The following EHMT1 variants were observed in gnomAD, a reference collection of about 807,000 sequenced individuals.
EHMT1 encodes euchromatic histone lysine methyltransferase 1.
A neutral mutation model predicts 147.2 loss-of-function variants in EHMT1; 15 were observed. The observed-to-expected ratio is 0.10, with a 90% confidence interval of 0.07 to 0.16. The LOEUF is 0.16. Among genes scored for constraint, EHMT1 ranks in the 10% least tolerant of loss-of-function variants. The pLI is 1.00. For synonymous variants in EHMT1, 795 were observed against 709.6 expected (o/e 1.12, Z -1.91); for missense variants, 1,587 against 1,772.4 (o/e 0.90, Z 1.88).
chr9:137,823,837 C>T (rs928610591), intron 25 of EHMT1, among the ~76,000 whole-genome samples: 1 of 152,242 alleles, frequency 6.6e-6, no homozygotes, highest in South Asian at 2.1e-4. Context: ...GGATTACAGG[C>T]GTGAGCCACT....
rs564045153 is a variant in EHMT1 at position 137,782,430 on chromosome 9, C to T, written c.2382+33C>T. The T allele has an allele frequency of 2.6e-6, 4 of 1,554,502 alleles. No individual in the cohort carries two copies. Among genetic ancestry groups the T allele is most frequent in the African/African-American group, 1.4e-5 (1 of 73,616 alleles). Reference sequence around the variant, plus strand: ...GGCACGGCGCCCTCCTAGGGCTCTTCACCTGCTCTCTTTTATTTTTACCAA... The same window carrying T: ...GGCACGGCGCCCTCCTAGGGCTCTTTACCTGCTCTCTTTTATTTTTACCAA... On this transcript the variant is annotated intron_variant, in intron 15 of 26. Transcript: ENST00000460843. This position sits in a 1 kb window ranked among gnomAD's most constrained non-coding sequence, Gnocchi z 5.7.
At chr9:137,661,667 C>T (rs929849553) in intron 1 of EHMT1, among the ~76,000 whole-genome samples, 3 of 151,366 alleles carry the variant, frequency 2.0e-5, no homozygotes, top group Admixed American at 1.3e-4. Flanking sequence ...TGTATTTTTA[C>T]TAGAGGCAGG....
intron 1 of EHMT1, among the ~76,000 whole-genome samples, chr9:137,708,755 ACTGAGTGGCATGTCCAGGC>A (rs1185196884): frequency 1.2e-4 from 18 of 152,210 alleles, no homozygotes; most frequent in Admixed American, 2.0e-4. Context: ...TCCAGGTCTG[ACTGAGTGGCATGTCCAGGC>A]CTGAGTGGCA....
chr9:137,758,525 G>A (rs1228466988), intron 9 of EHMT1, among the ~76,000 whole-genome samples: 3 of 152,182 alleles, frequency 2.0e-5, no homozygotes, highest in Admixed American at 6.5e-5. Context: ...GAAGTTGTCC[G>A]TTCTCACACT....
At chr9:137,639,424 A>G (rs756286224) in intron 1 of EHMT1, among the ~76,000 whole-genome samples, 2 of 152,182 alleles carry the variant, frequency 1.3e-5, no homozygotes, top group Non-Finnish European at 2.9e-5. Context: ...TATGAGATCT[A>G]CAGTACTGTC....
intron 18 of EHMT1, chr9:137,802,832 G>A (rs548280304): frequency 2.1e-5 from 26 of 1,232,016 alleles, no homozygotes; most frequent in Middle Eastern, 3.1e-4. Flanking sequence ...TCATTCCACC[G>A]GAGTTCTTTC....
At chr9:137,628,799 C>A (rs1241037032) in intron 1 of EHMT1, among the ~76,000 whole-genome samples, 1 of 152,202 alleles carries the variant, frequency 6.6e-6, no homozygotes, top group Non-Finnish European at 1.5e-5. Context: ...TGCTGGAGAT[C>A]CCACACGTGG....
chr9:137,711,406 CCA>C (rs1295999344), intron 2 of EHMT1, among the ~76,000 whole-genome samples: 2 of 152,174 alleles, frequency 1.3e-5, no homozygotes, highest in Non-Finnish European at 2.9e-5. Context: ...CGTGGTACAT[CCA>C]CACAGTGGGA....
intron 1 of EHMT1, among the ~76,000 whole-genome samples, chr9:137,683,438 G>C (rs897939082): frequency 1.3e-5 from 2 of 152,222 alleles, no homozygotes; most frequent in African/African-American, 2.4e-5. Flanking sequence ...TAACGACTGT[G>C]TGAATATGTG....
intron 1 of EHMT1, among the ~76,000 whole-genome samples, chr9:137,664,304 T>G (rs956929630): frequency 3.3e-5 from 5 of 150,982 alleles, no homozygotes; most frequent in Non-Finnish European, 7.4e-5. Flanking sequence ...TTTTTTTTTT[T>G]CTTTTGAGAC....
chr9:137,668,756 G>T (rs1477408488), intron 1 of EHMT1, among the ~76,000 whole-genome samples: 1 of 151,572 alleles, frequency 6.6e-6, no homozygotes, highest in East Asian at 1.9e-4. Flanking sequence ...GCTGTTAATG[G>T]ACAGTGCTGC....
chr9:137,799,729 C>T lies in EHMT1; in HGVS notation c.2607+815C>T, dbSNP rs565152429. Among the ~76,000 whole-genome samples, 76 of 152,380 alleles carry T rather than the reference C, an allele frequency of 5.0e-4. 3 individuals carry two copies. In the South Asian group the frequency reaches 5.4e-3, roughly 11 times the overall value. ...CAGTGGTTGCCCACCCAGTTGTTGA[C>T]GCCCAGCTTCTGTGCCCTCTTGGCT... is the stretch of plus-strand genomic sequence containing the variant. On this transcript the variant is annotated intron_variant, in intron 17 of 26. Coordinates refer to ENST00000460843, the MANE Select transcript of EHMT1 (RefSeq NM_024757.5).
intron 10 of EHMT1, among the ~76,000 whole-genome samples, chr9:137,767,344 T>C (rs1029343255): frequency 6.6e-6 from 1 of 152,224 alleles, no homozygotes; most frequent in Non-Finnish European, 1.5e-5. Flanking sequence ...CGATGGACTG[T>C]AGCTGTGAAG....
intron 1 of EHMT1, among the ~76,000 whole-genome samples, chr9:137,624,228 C>T (rs1231290414): frequency 6.6e-6 from 1 of 151,740 alleles, no homozygotes; most frequent in Non-Finnish European, 1.5e-5. Flanking sequence ...GTCTTGAACT[C>T]CTGACCTTGT....
At chr9:137,727,144 T>C (rs1946709285) in intron 3 of EHMT1, among the ~76,000 whole-genome samples, 1 of 152,186 alleles carries the variant, frequency 6.6e-6, no homozygotes, top group Admixed American at 6.5e-5. Context: ...TAAATTTTAA[T>C]TTTTGTAAAT....
chr9:137,779,969 G>A (rs1299203955), intron 14 of EHMT1, among the ~76,000 whole-genome samples: 4 of 152,256 alleles, frequency 2.6e-5, no homozygotes, highest in Non-Finnish European at 5.9e-5. Context: ...GAATTGGTAT[G>A]TGATTATTAA....
In EHMT1 at chr9:137,776,496, G is replaced by A. The variant is rs1564737945; in HGVS notation, c.1792-122G>A. On this transcript the variant is annotated intron_variant, in intron 11 of 26. Transcript: ENST00000460843. The surrounding 1 kb of genome is among the most constrained non-coding windows in gnomAD (Gnocchi z 4.4). ...TGGGGCCAAGACTGGACCCCACCCCGACCCATGGCTCACTCTGCAGACCGC... is the reference window on the plus strand; with the variant it reads ...TGGGGCCAAGACTGGACCCCACCCCAACCCATGGCTCACTCTGCAGACCGC... 14 of 938,988 alleles carry A rather than the reference G, an allele frequency of 1.5e-5. No individual in the cohort carries two copies. Among genetic ancestry groups the A allele is most frequent in the Admixed American group, 2.0e-5 (1 of 49,832 alleles). 58.2% of individuals were successfully genotyped at this position (938,988 alleles called of 1,614,324 possible).
At chr9:137,804,961 G>T (rs889031993) in intron 18 of EHMT1, among the ~76,000 whole-genome samples, 1 of 151,976 alleles carries the variant, frequency 6.6e-6, no homozygotes, top group Admixed American at 6.6e-5. Context: ...GTATGAGTCC[G>T]TCCATGTGTG....
In EHMT1 at chr9:137,732,681, G is replaced by GT. The variant is rs1184904964; in HGVS notation, c.823+4156dup. On this transcript the variant is annotated intron_variant, in intron 4 of 26. Transcript: ENST00000460843. The surrounding 1 kb of genome is among the most constrained non-coding windows in gnomAD (Gnocchi z 4.6). The stretch of plus-strand genomic sequence containing the variant: ...GATTCTGCCGGGAACTGGCAGCCCG[G>GT]TTTTCAGGCTTCAGGCGGCCTTTGG... Among the ~76,000 whole-genome samples the GT allele has an allele frequency of 6.6e-6, 1 of 152,206 alleles. No individual in the cohort carries two copies. Among genetic ancestry groups the GT allele is most frequent in the Non-Finnish European group, 1.5e-5 (1 of 68,034 alleles).
Sources: gnomAD v4.1 joint callset for allele counts (sites outside exome capture counted in the v4.1 genomes callset) on GRCh38, gnomAD v4.1.1 for gene constraint, Gnocchi (gnomAD v3.1) non-coding constraint, MANE v1.5 for transcripts, NCBI Gene and HGNC (gene_info 2026-07-23, HGNC 2026-07-21) for gene names.